GRAMD4: variants seen among roughly 807,000 people sequenced by gnomAD.
GRAMD4 encodes GRAM domain containing 4, also known as GRAM domain-containing protein 4.
In GRAMD4, 25 loss-of-function variants were observed where a neutral mutation model predicts 83.9. The ratio of observed to expected loss-of-function variants is 0.30; its 90% CI spans 0.22 to 0.42. The LOEUF is 0.42. Ranked by LOEUF, GRAMD4 falls within the 10% of genes least tolerant of loss-of-function variation. The probability of loss-of-function intolerance (pLI) is 1.00; values close to 1 mark genes in which losing one functional copy is unlikely to be tolerated. For synonymous variants in GRAMD4, 336 were observed against 320.9 expected, an observed-to-expected ratio of 1.05 and a Z score of -0.50; for missense variants, 593 against 788.7, an observed-to-expected ratio of 0.75 and a Z score of 2.97.
At chr22:46,669,678 T>A (rs755843094) in intron 13 of GRAMD4, among the ~76,000 whole-genome samples, 20 of 151,352 alleles carry the variant, frequency 1.3e-4, no homozygotes, top group Admixed American at 2.6e-4. Flanking sequence ...CGGGTTCAAG[T>A]GATTCTCCTG....
upstream of GRAMD4, among the ~76,000 whole-genome samples, chr22:46,619,017 G>A (rs1032222041): frequency 2.6e-5 from 4 of 152,242 alleles, no homozygotes; most frequent in Non-Finnish European, 5.9e-5. Flanking sequence ...CAAACACCCG[G>A]ATACGGACAT....
intron 1 of GRAMD4, among the ~76,000 whole-genome samples, chr22:46,579,397 G>GTAGAA (rs920232704): frequency 6.6e-6 from 1 of 152,244 alleles, no homozygotes; most frequent in East Asian, 1.9e-4. Context: ...CATTTCTGCT[G>GTAGAA]TAGAATAGAA....
At chr22:46,617,267 T>TG (rs2081515966), upstream of GRAMD4, among the ~76,000 whole-genome samples, 1 of 148,574 alleles carries the variant, frequency 6.7e-6, no homozygotes. Context: ...CCTGTGCTTG[T>TG]GGGTTCCCCC....
At chr22:46,673,331 C>A (rs1015462788) in intron 14 of GRAMD4, among the ~76,000 whole-genome samples, 1 of 152,226 alleles carries the variant, frequency 6.6e-6, no homozygotes, top group Non-Finnish European at 1.5e-5. Context: ...TGAGAAGGGC[C>A]CCCTTGGAGC....
At chr22:46,616,039 T>C (rs1601564764), upstream of GRAMD4, among the ~76,000 whole-genome samples, 1 of 105,074 alleles carries the variant, frequency 9.5e-6, no homozygotes, top group Non-Finnish European at 1.9e-5. Flanking sequence ...CCCCCATGTG[T>C]AGGTTCCCCT....
At chr22:46,576,922 G>T (rs1003931561), upstream of GRAMD4, among the ~76,000 whole-genome samples, 1 of 145,866 alleles carries the variant, frequency 6.9e-6, no homozygotes, top group South Asian at 2.1e-4. Flanking sequence ...AGGCCGCGCC[G>T]CGTGACCGAG....
At chr22:46,637,044 G>A (rs1397104506) in intron 2 of GRAMD4, among the ~76,000 whole-genome samples, 1 of 152,262 alleles carries the variant, frequency 6.6e-6, no homozygotes, top group Admixed American at 6.5e-5. Flanking sequence ...CCTCGGTTGC[G>A]GCAGACCCTT....
chr22:46,655,004 G>C (rs917161669), intron 3 of GRAMD4, among the ~76,000 whole-genome samples: 1 of 152,198 alleles, frequency 6.6e-6, no homozygotes, highest in South Asian at 2.1e-4. Context: ...ATGACAGAAG[G>C]CTACGCCAGA....
intron 1 of GRAMD4, among the ~76,000 whole-genome samples, chr22:46,587,397 G>A (rs766104567): frequency 2.0e-5 from 3 of 152,106 alleles, no homozygotes; most frequent in Non-Finnish European, 2.9e-5. Context: ...AAGCCCAGCC[G>A]TCCGGAGTGA....
chr22:46,601,025 T>C (rs533102928), intron 1 of GRAMD4, among the ~76,000 whole-genome samples: 2 of 152,114 alleles, frequency 1.3e-5, no homozygotes, highest in African/African-American at 4.8e-5. Flanking sequence ...GTGCCTATAG[T>C]CCCAGCTACT....
At chr22:46,578,700 C>CT (rs2081068964) in intron 1 of GRAMD4, among the ~76,000 whole-genome samples, 1 of 152,198 alleles carries the variant, frequency 6.6e-6, no homozygotes, top group Non-Finnish European at 1.5e-5. Context: ...CCACGTTCCC[C>CT]TGTTGTTAGC....
At chr22:46,611,236 T>TA (rs888264571) in intron 1 of GRAMD4, among the ~76,000 whole-genome samples, 74 of 145,880 alleles carry the variant, frequency 5.1e-4, no homozygotes, top group African/African-American at 1.8e-3. Context: ...AAATATTAAA[T>TA]AAAAAATAAA....
At chr22:46,633,830 A>AG (rs1185317449) in intron 2 of GRAMD4, among the ~76,000 whole-genome samples, 2 of 152,044 alleles carry the variant, frequency 1.3e-5, no homozygotes, top group Non-Finnish European at 2.9e-5. Flanking sequence ...CCGGCCGTAC[A>AG]GGGGGTGTTT....
At chr22:46,620,247 T>C (rs2083169901), upstream of GRAMD4, 1 of 934,940 alleles carries the variant, frequency 1.1e-6, no homozygotes, top group Non-Finnish European at 1.3e-6. This position sits in a 1 kb window ranked among gnomAD's most constrained non-coding sequence, Gnocchi z 4.7. Context: ...AGCAGCATGC[T>C]TTTGTGTTCC....
At chr22:46,655,016 G>C (rs192578873) in intron 3 of GRAMD4, among the ~76,000 whole-genome samples, 158 of 152,314 alleles carry the variant, frequency 1.0e-3, no homozygotes, top group African/African-American at 3.3e-3. Context: ...TACGCCAGAT[G>C]GGGGGGCTGT....
At chr22:46,611,883 G>A (rs2081420475) in intron 1 of GRAMD4, among the ~76,000 whole-genome samples, 1 of 148,996 alleles carries the variant, frequency 6.7e-6, no homozygotes, top group Non-Finnish European at 1.5e-5. Flanking sequence ...TATAGTCCCA[G>A]CTACACGGGA....
At chr22:46,640,791 G>A (rs1043146280) in intron 3 of GRAMD4, among the ~76,000 whole-genome samples, 1 of 151,926 alleles carries the variant, frequency 6.6e-6, no homozygotes, top group African/African-American at 2.4e-5. Flanking sequence ...TCCCCGACAC[G>A]CCCTCTCCCT....
chr22:46,653,412 C>T (rs571103236), intron 3 of GRAMD4, among the ~76,000 whole-genome samples: 3 of 152,324 alleles, frequency 2.0e-5, no homozygotes, highest in South Asian at 2.1e-4. Flanking sequence ...GAAAGAGGGG[C>T]GGCTGCCTGA....
At chr22:46,626,651 T>C in intron 1 of GRAMD4, 100 bp from the exon 2 acceptor site, 3 of 704,064 alleles carry the variant, frequency 4.3e-6, no homozygotes, top group Non-Finnish European at 6.9e-6. Flanking sequence ...GGGTCGGGGT[T>C]TTCTTTGGAA....
Sources: gnomAD v4.1 joint callset for allele counts (sites outside exome capture counted in the v4.1 genomes callset) on GRCh38, gnomAD v4.1.1 for gene constraint, Gnocchi (gnomAD v3.1) non-coding constraint, MANE v1.5 for transcripts, NCBI Gene and HGNC (gene_info 2026-07-23, HGNC 2026-07-21) for gene names.